The following TMEM184B variants were observed in gnomAD, a reference collection of about 807,000 sequenced individuals.
TMEM184B encodes the protein putative MAPK-activating protein FM08.
Under a neutral mutation model 41.8 loss-of-function variants are expected in TMEM184B, and 17 were observed. The ratio of observed to expected loss-of-function variants is 0.41; its 90% confidence interval spans 0.28 to 0.61. TMEM184B has a LOEUF of 0.61. TMEM184B is among the 20% of genes least tolerant of loss of function. TMEM184B has a pLI of 0.34. For synonymous variants in TMEM184B, 240 were observed against 229.5 expected (o/e 1.05, Z -0.41); for missense variants, 393 against 557.8 (o/e 0.70, Z 2.98).
In TMEM184B at chr22:38,246,119, G is replaced by A. The variant is rs1184448477; in HGVS notation, c.193-19C>T. 1.4e-5 allele frequency: 22 copies of A among 1,603,800 alleles called. No homozygotes were observed. The Admixed American group carries it at 1.7e-4, about 12-fold the overall frequency. ...TGTAGATCTGGGGGCAGAGGTGTGGGGTCAGCTGGGGACCCTCCTGTCCAC... is the reference window on the plus strand; with the variant it reads ...TGTAGATCTGGGGGCAGAGGTGTGGAGTCAGCTGGGGACCCTCCTGTCCAC... On this transcript the variant is annotated intron_variant, in intron 2 of 8. Transcript: ENST00000361906.
chr22:38,233,926 C>T (rs1387073540), intron 3 of TMEM184B, among the ~76,000 whole-genome samples: 1 of 152,128 alleles, frequency 6.6e-6, no homozygotes, highest in Non-Finnish European at 1.5e-5. Context: ...CACACCACCA[C>T]ACCCAGCTAA....
chr22:38,266,505 C>A (rs745321214), intron 1 of TMEM184B, among the ~76,000 whole-genome samples: 5 of 152,202 alleles, frequency 3.3e-5, no homozygotes, highest in Admixed American at 6.5e-5. Flanking sequence ...TGCAACGGTG[C>A]CGTCCAGCTA....
rs537938303 is a variant in TMEM184B at position 38,239,969 on chromosome 22, G to A, written c.358+5966C>T. Among the ~76,000 whole-genome samples the A allele has an allele frequency of 6.6e-6, 1 of 151,782 alleles. No individual in the cohort carries two copies. Among genetic ancestry groups the A allele is most frequent in the African/African-American group, 2.4e-5 (1 of 41,368 alleles). On this transcript the variant is annotated intron_variant, in intron 3 of 8. Transcript: ENST00000361906. The surrounding 1 kb of genome is among the most constrained non-coding windows in gnomAD (Gnocchi z 4.6). ...TTTTTTTTTTTCTGGGGCGGGTAGA[G>A]ATGAGGTCGAGGTCTCGCTCAGTTG...
chr22:38,241,308 A>G (rs1367992522), intron 3 of TMEM184B, among the ~76,000 whole-genome samples: 1 of 152,230 alleles, frequency 6.6e-6, no homozygotes, highest in East Asian at 1.9e-4. Context: ...GTATTTAGGA[A>G]TAAACTAGTG....
intron 1 of TMEM184B, among the ~76,000 whole-genome samples, chr22:38,254,904 TGCACTGGCACCATCTTG>T (rs1393519031): frequency 6.9e-6 from 1 of 143,900 alleles, no homozygotes; most frequent in Non-Finnish European, 1.5e-5. Context: ...CAGGCTGGAG[TGCACTGGCACCATCTTG>T]GCTCACTGCA....
At position 38,225,524 on chromosome 22, in the gene TMEM184B, G is replaced by A. The variant is rs926040971; in HGVS notation, c.687C>T (p.Leu229=). The A allele has an allele frequency of 1.9e-6, 3 of 1,604,400 alleles. No homozygotes were observed. The African/African-American group carries it at 4.0e-5, about 22-fold the overall frequency. Residue 229 remains leucine, a synonymous_variant, in exon 7 of 9, where the codon CTC becomes CTT. Transcript: ENST00000361906. This position sits in a 1 kb window ranked among gnomAD's most constrained non-coding sequence, Gnocchi z 4.4. ...CCCGGGTGGCGAAGTAGAAGAGGAA[G>A]AGGGCGTAGAGGGCCAGGCTGACGG... ...NISVSLALYA[L]FLFYFATREL... is the part of the protein sequence containing the mutation.
At chr22:38,227,429 C>T (rs550980962) in intron 5 of TMEM184B, among the ~76,000 whole-genome samples, 17 of 152,158 alleles carry the variant, frequency 1.1e-4, no homozygotes, top group South Asian at 2.1e-4. Context: ...CCTTGGTGCC[C>T]GGGGCAAGGC....
At chr22:38,257,256 G>C (rs2092297353) in intron 1 of TMEM184B, among the ~76,000 whole-genome samples, 1 of 152,064 alleles carries the variant, frequency 6.6e-6, no homozygotes, top group Non-Finnish European at 1.5e-5. Flanking sequence ...ATTTTAGTGG[G>C]TTTTGGACTC....
At chr22:38,240,481 G>A (rs1458714858) in intron 3 of TMEM184B, among the ~76,000 whole-genome samples, 7 of 152,056 alleles carry the variant, frequency 4.6e-5, no homozygotes, top group African/African-American at 1.7e-4. Context: ...GAAAATCTGA[G>A]GCTCAATCCA....
At chr22:38,261,033 G>A (rs2092361872) in intron 1 of TMEM184B, among the ~76,000 whole-genome samples, 1 of 152,086 alleles carries the variant, frequency 6.6e-6, no homozygotes, top group African/African-American at 2.4e-5. Context: ...ACCATAACTC[G>A]CTGGTTGGGG....
intron 3 of TMEM184B, among the ~76,000 whole-genome samples, chr22:38,236,658 T>C (rs189823556): frequency 2.0e-5 from 3 of 152,030 alleles, no homozygotes; most frequent in Non-Finnish European, 4.4e-5. Context: ...TAATTTGTGT[T>C]TTTTGTTTTT....
Position 38,226,990 on chromosome 22 carries a change from G to A in TMEM184B, c.526-120C>T. On this transcript the variant is annotated intron_variant, in intron 5 of 8. Coordinates refer to ENST00000361906, the MANE Select transcript of TMEM184B (RefSeq NM_012264.5). The surrounding 1 kb of genome is among the most constrained non-coding windows in gnomAD (Gnocchi z 4.6). ...GGACAGAGAGGATGAAGGAGACGGA[G>A]AGGACGGAGGGATGGAGGGACGGAG... The A allele has an allele frequency of 1.0e-6, 1 of 1,004,834 alleles. No homozygotes were observed. Among genetic ancestry groups the A allele is most frequent in the African/African-American group, 1.6e-5 (1 of 62,784 alleles). 62.2% of individuals were successfully genotyped at this position (1,004,834 alleles called of 1,614,324 possible). A position where few individuals can be genotyped will look rare whatever the true frequency, so the allele number is the denominator to read the frequency against.
At chr22:38,222,846 AGGTGCCTCCTGGGGCCTGGCAGGGGG>A (rs1033159921) in intron 8 of TMEM184B, 4 of 318,626 alleles carry the variant, frequency 1.3e-5, no homozygotes, top group African/African-American at 2.3e-5. Context: ...AGGAAGCTCC[AGGTGCCTCCTGGGGCCTGGCAGGGGG>A]GATATCCACC....
Position 38,219,722 on chromosome 22 carries a change from G to A in TMEM184B, c.*1747C>T, listed in dbSNP as rs2091207643. ...GTGGGAATCAGCAGCACTTTGGCCTGGAGGGAGAAGGGAAGCCACGGTGGA... is the reference window on the plus strand; with the variant it reads ...GTGGGAATCAGCAGCACTTTGGCCTAGAGGGAGAAGGGAAGCCACGGTGGA... On this transcript the variant is annotated 3_prime_UTR_variant, in exon 9 of 9. Transcript: ENST00000361906. 10 of 985,568 alleles carry A rather than the reference G, an allele frequency of 1.0e-5. No individual in the cohort carries two copies. The highest frequency in any genetic ancestry group is 1.7e-5 in the African/African-American group (1 of 57,248). The allele number at this position is 985,568 out of a possible 1,614,324, so 61.1% of individuals were successfully genotyped here.
At position 38,219,454 on chromosome 22, in the gene TMEM184B, C is replaced by G; in HGVS notation, c.*2015G>C. ...AAGATACAAAACTAGGAGACTCTGT[C>G]TTCTCATACATCATACAATTAATTT... On this transcript the variant is annotated 3_prime_UTR_variant, in exon 9 of 9. Coordinates refer to ENST00000361906, the MANE Select transcript of TMEM184B (RefSeq NM_012264.5). 1.0e-6 allele frequency: 1 copy of G among 985,614 alleles called. No individual in the cohort carries two copies. Among genetic ancestry groups the G allele is most frequent in the Non-Finnish European group, 1.2e-6 (1 of 829,890 alleles). The allele number at this position is 985,614 out of a possible 1,614,324, so 61.1% of individuals were successfully genotyped here.
intron 1 of TMEM184B, among the ~76,000 whole-genome samples, chr22:38,268,266 C>T (rs1216732995): frequency 2.0e-5 from 3 of 151,538 alleles, no homozygotes; most frequent in Admixed American, 6.6e-5. Context: ...CTGTAATCCC[C>T]GCTACTTGGG....
intron 1 of TMEM184B, among the ~76,000 whole-genome samples, chr22:38,271,692 C>T (rs1602519662): frequency 6.6e-6 from 1 of 152,192 alleles, no homozygotes; most frequent in Non-Finnish European, 1.5e-5. Flanking sequence ...TGCTTGAGAG[C>T]TCCTTGATGG....
At chr22:38,257,644 T>C (rs1202883349) in intron 1 of TMEM184B, among the ~76,000 whole-genome samples, 2 of 152,240 alleles carry the variant, frequency 1.3e-5, no homozygotes, top group African/African-American at 4.8e-5. Context: ...ATTTTCTTTA[T>C]TACATCTTTA....
chr22:38,266,595 C>A (rs1156487426), intron 1 of TMEM184B, among the ~76,000 whole-genome samples: 1 of 152,242 alleles, frequency 6.6e-6, no homozygotes, highest in Non-Finnish European at 1.5e-5. Flanking sequence ...TTCTCTGATT[C>A]TTTTCTATCT....
Sources: allele counts gnomAD v4.1 joint callset (sites outside exome capture counted in the v4.1 genomes callset), GRCh38; gene constraint gnomAD v4.1.1; non-coding constraint Gnocchi (gnomAD v3.1); transcripts MANE v1.5; gene names NCBI Gene and HGNC (gene_info 2026-07-23, HGNC 2026-07-21).